DEFB123: variants seen among roughly 807,000 people sequenced by gnomAD.
DEFB123 encodes defensin beta 123.
For synonymous variants in DEFB123, 22 were observed against 28.3 expected (o/e 0.78, Z 0.71); for missense variants, 71 against 75.0 (o/e 0.95, Z 0.20).
intron 1 of DEFB123, among the ~76,000 whole-genome samples, chr20:31,445,357 T>C (rs1357152892): frequency 6.6e-6 from 1 of 152,226 alleles, no homozygotes; most frequent in Non-Finnish European, 1.5e-5. Flanking sequence ...TTCTGTTAAG[T>C]GATATTCTTT....
At chr20:31,445,244 A>G (rs1256288440) in intron 1 of DEFB123, among the ~76,000 whole-genome samples, 1 of 152,256 alleles carries the variant, frequency 6.6e-6, no homozygotes, top group Non-Finnish European at 1.5e-5. Flanking sequence ...TTCTTTCATT[A>G]GGAGGCACAT....
intron 1 of DEFB123, 56 bp downstream of exon 1, chr20:31,440,812 A>T (rs1979445977): frequency 1.2e-6 from 2 of 1,601,030 alleles, no homozygotes; most frequent in Admixed American, 3.3e-5. Context: ...GCCTGGTCAG[A>T]GAATCCCAAG....
chr20:31,447,266 A>T (rs1162048953), intron 1 of DEFB123, among the ~76,000 whole-genome samples: 1 of 152,118 alleles, frequency 6.6e-6, no homozygotes, highest in African/African-American at 2.4e-5. Flanking sequence ...CATCTCAAAA[A>T]AATAATAATA....
At chr20:31,447,286 AAAAT>A (rs925870254) in intron 1 of DEFB123, among the ~76,000 whole-genome samples, 5 of 152,094 alleles carry the variant, frequency 3.3e-5, no homozygotes, top group African/African-American at 9.7e-5. Flanking sequence ...AATAAAAATA[AAAAT>A]AAATAAATGT....
chr20:31,449,426 C>T (rs556635163), intron 1 of DEFB123, among the ~76,000 whole-genome samples: 14 of 152,148 alleles, frequency 9.2e-5, no homozygotes, highest in African/African-American at 3.1e-4. Context: ...AATAGCCTTC[C>T]GAGTACTAAA....
chr20:31,449,097 G>T (rs995437406), intron 1 of DEFB123, among the ~76,000 whole-genome samples: 3 of 151,720 alleles, frequency 2.0e-5, no homozygotes, highest in Non-Finnish European at 2.9e-5. Flanking sequence ...TTACTACTTG[G>T]AGCATATTTA....
chr20:31,445,065 G>A (rs1979554379), intron 1 of DEFB123, among the ~76,000 whole-genome samples: 1 of 152,062 alleles, frequency 6.6e-6, no homozygotes, highest in Non-Finnish European at 1.5e-5. Context: ...AAAAACATAA[G>A]TCATTTGATC....
intron 1 of DEFB123, 27 bp from the exon 2 acceptor site, chr20:31,450,002 G>C: frequency 6.3e-7 from 1 of 1,597,616 alleles, no homozygotes; most frequent in Non-Finnish European, 8.5e-7. Context: ...GACTGATACT[G>C]TCTCCCTTCT....
chr20:31,443,999 G>A (rs1399589861), intron 1 of DEFB123, among the ~76,000 whole-genome samples: 1 of 152,258 alleles, frequency 6.6e-6, no homozygotes, highest in Middle Eastern at 3.4e-3. Flanking sequence ...CTTAACAAAT[G>A]TTGGTCCTTA....
chr20:31,441,463 G>C (rs983865229), intron 1 of DEFB123, among the ~76,000 whole-genome samples: 1 of 152,118 alleles, frequency 6.6e-6, no homozygotes, highest in East Asian at 1.9e-4. Context: ...GAGCATGGGA[G>C]TGTCGGGGAC....
At position 31,450,065 on chromosome 20, in the gene DEFB123, G is replaced by A. The variant is rs1979699507; in HGVS notation, c.95G>A (p.Cys32Tyr). The A allele has an allele frequency of 4.3e-6, 7 of 1,611,550 alleles. 1 individual carries two copies. In the South Asian group the frequency reaches 5.5e-5, roughly 13 times the overall value. The change falls in exon 2 of 2, where the codon TGC becomes TAC. Residue 32 changes from cysteine (C) to tyrosine (Y), a missense_variant. Physicochemically the swap from Cys to Tyr is radical, Grantham distance 194 (BLOSUM62 -2). Coordinates refer to ENST00000376309, the MANE Select transcript of DEFB123 (RefSeq NM_153324.4). ...TQRCWNLYGK[C>Y]RYRCSKKERV... ...AGATGCTGGAATCTTTATGGCAAAT[G>A]CCGTTACAGATGCTCCAAGAAGGAA...
chr20:31,449,098 A>T (rs952060851), intron 1 of DEFB123, among the ~76,000 whole-genome samples: 1 of 151,540 alleles, frequency 6.6e-6, no homozygotes, highest in Non-Finnish European at 1.5e-5. Context: ...TACTACTTGG[A>T]GCATATTTAT....
chr20:31,441,464 T>G (rs1020659705), intron 1 of DEFB123, among the ~76,000 whole-genome samples: 2 of 150,974 alleles, frequency 1.3e-5, no homozygotes, highest in Non-Finnish European at 2.9e-5. Context: ...AGCATGGGAG[T>G]GTCGGGGACC....
At chr20:31,447,825 C>T (rs1286382522) in intron 1 of DEFB123, among the ~76,000 whole-genome samples, 2 of 123,400 alleles carry the variant, frequency 1.6e-5, no homozygotes, top group African/African-American at 6.0e-5. Flanking sequence ...CCCGCTCTGT[C>T]GCCCAGGCTG....
Position 31,450,178 on chromosome 20 carries a change from C to T in DEFB123, c.*4C>T, listed in dbSNP as rs749637147. The T allele has an allele frequency of 2.5e-6, 4 of 1,597,302 alleles. No homozygotes were observed. In the East Asian group the frequency reaches 6.8e-5, roughly 27 times the overall value. ...AGAAAGGTGGTGGCCATTTTAACTG[C>T]TTTGAAGCCTGAAGCCATGAAAATG... On this transcript the variant is annotated 3_prime_UTR_variant, in exon 2 of 2. Coordinates refer to ENST00000376309, the MANE Select transcript of DEFB123 (RefSeq NM_153324.4).
At chr20:31,443,844 G>A (rs533739083) in intron 1 of DEFB123, among the ~76,000 whole-genome samples, 39 of 152,218 alleles carry the variant, frequency 2.6e-4, no homozygotes, top group Non-Finnish European at 5.1e-4. Context: ...TGGTAGTGGT[G>A]ACAGAGGTTA....
chr20:31,450,145 C>T lies in DEFB123; in HGVS notation c.175C>T (p.Gln59Ter), dbSNP rs1979703100. ...NKMCCVKPKY[Q>*]PKERWWPF ...AATGTGCTGCGTGAAGCCCAAGTAC[C>T]AGCCAAAAGAAAGGTGGTGGCCATT... is the stretch of plus-strand genomic sequence containing the variant. Residue 59 changes from glutamine to a stop codon, truncating the protein, a stop_gained, in exon 2 of 2, where the codon CAG becomes TAG. Transcript: ENST00000376309. LOFTEE classifies it low-confidence loss of function (END_TRUNC). The T allele has an allele frequency of 6.2e-7, 1 of 1,606,974 alleles. No homozygotes were observed.
In DEFB123 at chr20:31,450,232, C is replaced by T. The variant is rs1407774942; in HGVS notation, c.*58C>T. 3 of 1,544,676 alleles carry T rather than the reference C, an allele frequency of 1.9e-6. No homozygotes were observed. The highest frequency in any genetic ancestry group is 1.4e-5 in the African/African-American group (1 of 71,586). ...ATGAAGCTCCCAGTGGATTCCCACA[C>T]TCTATCAATAAACACCTCTGGCTGA... On this transcript the variant is annotated 3_prime_UTR_variant, in exon 2 of 2. Transcript: ENST00000376309.
intron 1 of DEFB123, among the ~76,000 whole-genome samples, chr20:31,443,384 T>C (rs1979512451): frequency 6.6e-6 from 1 of 152,202 alleles, no homozygotes; most frequent in Admixed American, 6.5e-5. Flanking sequence ...CTGACAGTGA[T>C]GCTCAGCCAC....
Sources: gnomAD v4.1 joint callset for allele counts (sites outside exome capture counted in the v4.1 genomes callset) on GRCh38, gnomAD v4.1.1 for gene constraint, MANE v1.5 for transcripts, NCBI Gene and HGNC (gene_info 2026-07-23, HGNC 2026-07-21) for gene names.